Variants in NAAA observed in about 807,000 individuals in gnomAD.
The protein encoded by NAAA is N-acylethanolamine-hydrolyzing acid amidase.
In NAAA, 39 loss-of-function variants were observed where a neutral mutation model predicts 44.8. That is an observed-to-expected ratio of 0.87 (90% CI 0.67 to 1.14). NAAA has a LOEUF of 1.14. Among genes scored for constraint, NAAA ranks in the 50% most tolerant of loss-of-function variants. NAAA has a pLI of 0.00. For missense variants in NAAA, 460 were observed against 467.8 expected, an observed-to-expected ratio of 0.98 and a Z score of 0.15; for synonymous variants, 178 against 191.3, an observed-to-expected ratio of 0.93 and a Z score of 0.58.
At chr4:75,920,074 T>A in intron 7 of NAAA, 99 bp from the exon 8 acceptor site, 1 of 1,069,344 alleles carries the variant, frequency 9.4e-7, no homozygotes, top group Non-Finnish European at 1.4e-6. Context: ...CCAGTCTCAT[T>A]ATCTCCCTTT....
rs369955132 is a variant in NAAA at position 75,936,201 on chromosome 4, C to T, written c.406G>A (p.Gly136Ser). The change falls in exon 3 of 11, where the codon GGC becomes AGC. Residue 136 changes from glycine to serine, a missense_variant. Coordinates refer to ENST00000286733, the MANE Select transcript of NAAA (RefSeq NM_014435.4). ...CTSIVAQDSR[G>S]HIYHGRNLDY... Reference sequence around the variant, plus strand: ...AAATTCCGACCATGGTAAATGTGGCCTCTGGAGTCTTGAGCCACAATACTG... The same window carrying T: ...AAATTCCGACCATGGTAAATGTGGCTTCTGGAGTCTTGAGCCACAATACTG... The T allele has an allele frequency of 3.2e-5, 51 of 1,613,686 alleles. No homozygotes were observed. The Middle Eastern group carries it at 2.6e-3, about 83-fold the overall frequency.
intron 10 of NAAA, 116 bp downstream of exon 10, chr4:75,914,752 A>T: frequency 3.1e-6 from 2 of 637,146 alleles, no homozygotes; most frequent in Non-Finnish European, 5.2e-6. Context: ...TGACAATGCC[A>T]GATGCTTGTC....
Position 75,930,625 on chromosome 4 carries a change from C to T in NAAA, c.589+589G>A, listed in dbSNP as rs575217958. On this transcript the variant is annotated intron_variant, in intron 4 of 10. Coordinates refer to ENST00000286733, the MANE Select transcript of NAAA (RefSeq NM_014435.4). ...GCTTCCATCTTAACCTAAAACAACC[C>T]AATCTCTACAGAGCAGCAAAAGTAA... 1.8e-5 allele frequency: 7 copies of T among 390,314 alleles called. No individual in the cohort carries two copies. In the East Asian group the frequency reaches 4.0e-4, roughly 22 times the overall value. The allele number at this position is 390,314 out of a possible 1,614,324, so 24.2% of individuals were successfully genotyped here. A position where few individuals can be genotyped will look rare whatever the true frequency, so the allele number is the denominator to read the frequency against.
chr4:75,918,513 G>T, intron 9 of NAAA, among the ~76,000 whole-genome samples: 1 of 151,844 alleles, frequency 6.6e-6, no homozygotes, highest in Non-Finnish European at 1.5e-5. Flanking sequence ...TTTACCTTTG[G>T]ATTTCTTCAT....
intron 9 of NAAA, among the ~76,000 whole-genome samples, chr4:75,915,216 G>T (rs1352658105): frequency 3.9e-5 from 6 of 152,176 alleles, no homozygotes; most frequent in African/African-American, 1.4e-4. Context: ...AGCTGGGTGT[G>T]GTGGTGCCTG....
At chr4:75,911,794 A>G (rs931095185), downstream of NAAA, among the ~76,000 whole-genome samples, 3 of 152,208 alleles carry the variant, frequency 2.0e-5, no homozygotes, top group Admixed American at 1.3e-4. Flanking sequence ...TATAGAAACT[A>G]CGCCTACATT....
chr4:75,920,003 T>C, intron 7 of NAAA, 28 bp from the exon 8 acceptor site: 1 of 1,600,980 alleles, frequency 6.2e-7, no homozygotes, highest in Non-Finnish European at 8.6e-7. Context: ...GAAGGTCACT[T>C]GGCATTTCAA....
chr4:75,926,501 C>T (rs1394521833), intron 4 of NAAA, among the ~76,000 whole-genome samples: 2 of 136,374 alleles, frequency 1.5e-5, no homozygotes, highest in Non-Finnish European at 3.0e-5. Flanking sequence ...GCGGAGGTTG[C>T]AGTGAGCCAA....
chr4:75,920,049 G>A, intron 7 of NAAA, 74 bp from the exon 8 acceptor site: 4 of 1,322,644 alleles, frequency 3.0e-6, no homozygotes, highest in South Asian at 2.4e-5. Context: ...ATTTTTGGGA[G>A]GCAGAATGCA....
intron 2 of NAAA, among the ~76,000 whole-genome samples, chr4:75,937,350 C>T (rs1355200010): frequency 2.6e-5 from 4 of 152,122 alleles, no homozygotes; most frequent in East Asian, 1.9e-4. Context: ...ACCAGGGAGG[C>T]GGAGGTTGCG....
intron 4 of NAAA, 136 bp from the exon 5 acceptor site, chr4:75,925,947 C>T: frequency 1.3e-6 from 1 of 763,314 alleles, no homozygotes; most frequent in Non-Finnish European, 2.2e-6. Flanking sequence ...TACCAGGATA[C>T]AATGATAGTT....
chr4:75,915,529 T>C (rs2149240957), intron 9 of NAAA, among the ~76,000 whole-genome samples: 1 of 152,114 alleles, frequency 6.6e-6, no homozygotes, highest in South Asian at 2.1e-4. Flanking sequence ...TCTCTCTCAG[T>C]GGCCATGCAC....
In NAAA at chr4:75,937,411, T is replaced by C. The variant is rs567539420; in HGVS notation, c.372-1176A>G. Among the ~76,000 whole-genome samples, 3 of 152,326 alleles carry C rather than the reference T, an allele frequency of 2.0e-5. No individual in the cohort carries two copies. The South Asian group carries it at 6.2e-4, about 32-fold the overall frequency. On this transcript the variant is annotated intron_variant, in intron 2 of 10. Coordinates refer to ENST00000286733, the MANE Select transcript of NAAA (RefSeq NM_014435.4). ...TCCAGCCTGAGTAACAGAGTGAGAC[T>C]CCGTCTCAAACATAAATAAATAAAA...
chr4:75,915,854 G>A (rs1183098535), intron 9 of NAAA, among the ~76,000 whole-genome samples: 1 of 152,112 alleles, frequency 6.6e-6, no homozygotes, highest in Non-Finnish European at 1.5e-5. Context: ...TAAACAACTT[G>A]AGCACATGTG....
At position 75,925,731 on chromosome 4, in the gene NAAA, TCA is replaced by T; in HGVS notation, c.666+2_666+3del. On this transcript the variant is annotated splice_donor_variant and splice_donor_region_variant and intron_variant, in intron 5 of 10. Transcript: ENST00000286733. LOFTEE classifies it high-confidence loss of function. ...AAGGAGGGCTCCACATTAAATATAC[TCA>T]CAGCGCGGATCAGCCAGCTGACGGG... is the stretch of plus-strand genomic sequence containing the variant. 1 of 1,614,088 alleles carries T rather than the reference TCA, an allele frequency of 6.2e-7. No individual in the cohort carries two copies.
Position 75,921,023 on chromosome 4 carries a change from CG to C in NAAA, c.766del (p.Arg256GlyfsTer19), listed in dbSNP as rs34351680. On this transcript the variant is annotated frameshift_variant, in exon 6 of 11. Transcript: ENST00000286733. LOFTEE classifies it high-confidence loss of function. ...VYYIVGGTSP[R>X]EGVVITRNRD... is the part of the protein sequence containing the mutation. ...GTTCCTCGTGATGACCACCCCCTCC[CG>C]GGGGGACGTGCCACCAACAATGTAA... 7 of 1,608,952 alleles carry C rather than the reference CG, an allele frequency of 4.4e-6. No homozygotes were observed. Among genetic ancestry groups the C allele is most frequent in the South Asian group, 1.1e-5 (1 of 89,912 alleles).
chr4:75,931,316 A>G lies in NAAA; in HGVS notation c.499-12T>C. 6.3e-7 allele frequency: 1 copy of G among 1,584,086 alleles called. No individual in the cohort carries two copies. Among genetic ancestry groups the G allele is most frequent in the Non-Finnish European group, 8.7e-7 (1 of 1,153,472 alleles). ...CCTGTGAATGCAATCTGAAATCAAGAGATAACATGGATCATTTCACCATTC... is the reference window on the plus strand; with the variant it reads ...CCTGTGAATGCAATCTGAAATCAAGGGATAACATGGATCATTTCACCATTC... On this transcript the variant is annotated splice_polypyrimidine_tract_variant and intron_variant, in intron 3 of 10. Transcript: ENST00000286733.
rs180875861 is a variant in NAAA, at chr4:75,914,955, G to A, written c.1029C>T (p.Ala343=). The change falls in exon 10 of 11, where the codon GCC becomes GCT. Residue 343 remains alanine (A), a synonymous_variant. Transcript: ENST00000286733. The part of the protein sequence containing the change: ...NFTIYTTVMS[A]GSPDKYMTRI... ...TAGTCATGTACTTGTCTGGGCTACC[G>A]GCGCTCATTACCGTAGTATAAATTG... The A allele has an allele frequency of 1.0e-4, 168 of 1,613,726 alleles. 2 individuals carry two copies. The Middle Eastern group carries it at 5.4e-3, about 52-fold the overall frequency.
chr4:75,925,753 G>A lies in NAAA; in HGVS notation c.648C>T (p.Val216=). Residue 216 remains valine (V), a synonymous_variant, in exon 5 of 11, where the codon GTC becomes GTT. Coordinates refer to ENST00000286733, the MANE Select transcript of NAAA (RefSeq NM_014435.4). ...TACTCACAGCGCGGATCAGCCAGCT[G>A]ACGGGAATGTGTCTCCGAAACAGGG... is the stretch of plus-strand genomic sequence containing the variant. ...IAALFRRHIP[V]SWLIRATLSE... 6.2e-7 allele frequency: 1 copy of A among 1,614,208 alleles called. No homozygotes were observed. The highest frequency in any genetic ancestry group is 1.1e-5 in the South Asian group (1 of 91,078).
Sources: gnomAD v4.1 joint callset for allele counts (sites outside exome capture counted in the v4.1 genomes callset) on GRCh38, gnomAD v4.1.1 for gene constraint, MANE v1.5 for transcripts, NCBI Gene and HGNC (gene_info 2026-07-23, HGNC 2026-07-21) for gene names.